TTC21B: variants seen among roughly 807,000 people sequenced by gnomAD.
TTC21B encodes the protein tetratricopeptide repeat protein 21B.
Under a neutral mutation model 175.1 loss-of-function variants are expected in TTC21B, and 127 were observed. The observed-to-expected ratio is 0.73, with a 90% CI of 0.63 to 0.84. The LOEUF is 0.84. Ranked by LOEUF, TTC21B falls within the 40% of genes least tolerant of loss-of-function variation. The probability of loss-of-function intolerance (pLI) is 0.00; values close to 1 mark genes in which losing one functional copy is unlikely to be tolerated. For missense variants in TTC21B, 1,561 were observed against 1,558.3 expected, an observed-to-expected ratio of 1.00 and a Z score of -0.03; for synonymous variants, 524 against 524.5, an observed-to-expected ratio of 1.00 and a Z score of 0.01.
intron 24 of TTC21B, 38 bp from the exon 25 acceptor site, chr2:165,888,512 C>A: frequency 6.8e-7 from 1 of 1,476,920 alleles, no homozygotes; most frequent in Non-Finnish European, 9.4e-7. Flanking sequence ...CTGTCTCTTA[C>A]TCATGATACA....
intron 16 of TTC21B, 131 bp downstream of exon 16, chr2:165,913,443 C>T: frequency 1.6e-6 from 1 of 639,544 alleles, no homozygotes. Context: ...AAATGGATAT[C>T]TCCCTTTTAC....
intron 21 of TTC21B, among the ~76,000 whole-genome samples, chr2:165,899,360 ACTGT>A (rs1474192497): frequency 2.6e-5 from 4 of 152,184 alleles, no homozygotes; most frequent in African/African-American, 9.6e-5. Context: ...TTCAAAACAG[ACTGT>A]CTTAGACTGA....
intron 17 of TTC21B, 114 bp downstream of exon 17, chr2:165,912,400 C>A: frequency 1.2e-6 from 1 of 824,478 alleles, no homozygotes; most frequent in Non-Finnish European, 2.1e-6. Flanking sequence ...TTCATAAATA[C>A]AGATTTGGAG....
intron 9 of TTC21B, 76 bp from the exon 10 acceptor site, chr2:165,929,823 A>G: frequency 3.1e-6 from 3 of 965,282 alleles, no homozygotes; most frequent in Non-Finnish European, 5.0e-6. Context: ...ACATAACAAC[A>G]TTAATAAAAC....
chr2:165,891,404 T>G (rs1685187433), intron 22 of TTC21B, among the ~76,000 whole-genome samples: 1 of 152,158 alleles, frequency 6.6e-6, no homozygotes, highest in Non-Finnish European at 1.5e-5. Context: ...AGGAAGGGTG[T>G]GGGAACAGTA....
intron 12 of TTC21B, among the ~76,000 whole-genome samples, chr2:165,919,888 TA>T (rs1441555996): frequency 5.3e-5 from 8 of 152,178 alleles, no homozygotes; most frequent in Non-Finnish European, 1.2e-4. Context: ...ATTACTACTA[TA>T]CATAAAATAA....
intron 20 of TTC21B, among the ~76,000 whole-genome samples, chr2:165,900,117 A>G (rs1685507639): frequency 6.6e-6 from 1 of 151,710 alleles, no homozygotes; most frequent in Non-Finnish European, 1.5e-5. Context: ...GTAGAGAGAC[A>G]TAATGCATTG....
intron 6 of TTC21B, among the ~76,000 whole-genome samples, chr2:165,937,816 C>T (rs1485674765): frequency 1.4e-5 from 2 of 139,300 alleles, no homozygotes; most frequent in Non-Finnish European, 3.1e-5. Context: ...CACACACACA[C>T]ACACACAGTG....
chr2:165,893,146 C>T (rs533161380), intron 22 of TTC21B, among the ~76,000 whole-genome samples: 2 of 152,174 alleles, frequency 1.3e-5, no homozygotes, highest in South Asian at 4.2e-4. Context: ...TTCTTTGAGT[C>T]CAATATACTT....
chr2:165,883,730 ATATC>A (rs1166779248), intron 26 of TTC21B, 60 bp downstream of exon 26: 1 of 1,290,130 alleles, frequency 7.8e-7, no homozygotes, highest in Non-Finnish European at 1.1e-6. Context: ...ACACTCAACA[ATATC>A]TATATGGAAA....
intron 20 of TTC21B, among the ~76,000 whole-genome samples, chr2:165,901,071 T>A (rs1220936193): frequency 6.6e-6 from 1 of 151,840 alleles, no homozygotes; most frequent in East Asian, 1.9e-4. Context: ...CTGGCTAATT[T>A]TAGTATTTTT....
chr2:165,890,637 G>A lies in TTC21B; in HGVS notation c.3105C>T (p.Tyr1035=), dbSNP rs1280395524. ...GAAGGGCATCATTTGGTTCTCCAGTGTACCTTGTTAGATGTTTAAAAGAAT... is the reference window on the plus strand; with the variant it reads ...GAAGGGCATCATTTGGTTCTCCAGTATACCTTGTTAGATGTTTAAAAGAAT... The part of the protein sequence containing the change: ...FQYCKGLYLW[Y]TGEPNDALRH... The change falls in exon 24 of 29, where the codon TAC becomes TAT. Residue 1035 remains tyrosine (Y), a synonymous_variant. Transcript: ENST00000243344. The A allele has an allele frequency of 6.2e-7, 1 of 1,613,488 alleles. No homozygotes were observed. Among genetic ancestry groups the A allele is most frequent in the Non-Finnish European group, 8.5e-7 (1 of 1,179,596 alleles).
At chr2:165,935,104 G>A (rs1033261518) in intron 6 of TTC21B, among the ~76,000 whole-genome samples, 1 of 152,182 alleles carries the variant, frequency 6.6e-6, no homozygotes. Context: ...TGAGGTCTTA[G>A]GAGATGGCAG....
intron 11 of TTC21B, among the ~76,000 whole-genome samples, chr2:165,925,834 A>C (rs1032256391): frequency 6.6e-5 from 10 of 152,306 alleles, no homozygotes; most frequent in East Asian, 3.9e-4. Context: ...GATACAGAGC[A>C]AACAGTTTAA....
At chr2:165,885,723 G>C (rs186090610) in intron 25 of TTC21B, among the ~76,000 whole-genome samples, 1 of 152,210 alleles carries the variant, frequency 6.6e-6, no homozygotes, top group South Asian at 2.1e-4. Flanking sequence ...TGATTAGAAC[G>C]TATCGGTTCT....
intron 1 of TTC21B, among the ~76,000 whole-genome samples, chr2:165,951,408 G>GA (rs1172689648): frequency 6.6e-6 from 1 of 151,880 alleles, no homozygotes; most frequent in Non-Finnish European, 1.5e-5. Flanking sequence ...GTTCTATTCT[G>GA]AAAAAAATAA....
chr2:165,951,907 T>C (rs1443187795), intron 1 of TTC21B, among the ~76,000 whole-genome samples: 5 of 152,150 alleles, frequency 3.3e-5, no homozygotes, highest in Non-Finnish European at 5.9e-5. Context: ...GAGGGGAGGA[T>C]GGATGACTAA....
chr2:165,876,230 A>C lies in TTC21B; in HGVS notation c.3808T>G (p.Tyr1270Asp). ...YSNRTNPAVG[Y>D]KLAFNYLKAK... Reference sequence around the variant, plus strand: ...TTTAAGTAATTAAATGCCAGTTTGTATCCTGTTAAGACAAAAACCATAAAA... The same window carrying C: ...TTTAAGTAATTAAATGCCAGTTTGTCTCCTGTTAAGACAAAAACCATAAAA... Residue 1270 changes from tyrosine to aspartate, a missense_variant and splice_region_variant, in exon 28 of 29, where the codon TAC (tyrosine) becomes GAC (aspartate). Coordinates refer to ENST00000243344, the MANE Select transcript of TTC21B (RefSeq NM_024753.5). 3 of 1,585,816 alleles carry C rather than the reference A, an allele frequency of 1.9e-6. No homozygotes were observed. The highest frequency in any genetic ancestry group is 2.6e-6 in the Non-Finnish European group (3 of 1,155,156).
At position 165,952,510 on chromosome 2, in the gene TTC21B, G is replaced by C. The variant is rs575976665; in HGVS notation, c.21+1175C>G. Among the ~76,000 whole-genome samples the C allele has an allele frequency of 1.2e-4, 19 of 152,290 alleles. No individual in the cohort carries two copies. The East Asian group carries it at 2.3e-3, about 19-fold the overall frequency. The stretch of plus-strand genomic sequence containing the variant: ...GGATGATGAGGTTGGAGACGAAGGT[G>C]GGGTGAAAAGCCTCATATTAAGTAC... On this transcript the variant is annotated intron_variant, in intron 1 of 28. Transcript: ENST00000243344.
Sources: gnomAD v4.1 joint callset for allele counts (sites outside exome capture counted in the v4.1 genomes callset) on GRCh38, gnomAD v4.1.1 for gene constraint, MANE v1.5 for transcripts, NCBI Gene and HGNC (gene_info 2026-07-23, HGNC 2026-07-21) for gene names.